The following PTK2 variants were observed in gnomAD, a reference collection of about 807,000 sequenced individuals.
PTK2 encodes protein tyrosine kinase 2, also known as focal adhesion kinase 1.
A neutral mutation model predicts 150.1 loss-of-function variants in PTK2; 45 were observed. The observed-to-expected ratio is 0.30, with a 90% CI of 0.24 to 0.38. The LOEUF (loss-of-function observed/expected upper bound fraction) is 0.38, where lower values mean the gene tolerates loss of function less well. PTK2 is among the 10% of genes least tolerant of loss of function. PTK2 has a pLI of 1.00. For synonymous variants in PTK2, 432 were observed against 449.2 expected (o/e 0.96, Z 0.48); for missense variants, 919 against 1,307.3 (o/e 0.70, Z 4.58).
At chr8:140,740,684 C>A (rs958117387) in intron 20 of PTK2, among the ~76,000 whole-genome samples, 1 of 152,146 alleles carries the variant, frequency 6.6e-6, no homozygotes, top group Non-Finnish European at 1.5e-5. Flanking sequence ...GAATTTAGCT[C>A]TTTATTGGAA....
intron 25 of PTK2, among the ~76,000 whole-genome samples, chr8:140,701,737 G>T (rs1044106785): frequency 6.6e-6 from 1 of 152,132 alleles, no homozygotes; most frequent in African/African-American, 2.4e-5. Context: ...ATGGACTAAA[G>T]ATTTTAGTAT....
At chr8:140,686,934 T>G (rs1345030304) in intron 26 of PTK2, 1 of 496,628 alleles carries the variant, frequency 2.0e-6, no homozygotes, top group Non-Finnish European at 3.6e-6. Flanking sequence ...GCCCACCCAG[T>G]GCTGGAGAAC....
At chr8:140,960,359 A>C (rs1458815541) in intron 1 of PTK2, among the ~76,000 whole-genome samples, 1 of 151,836 alleles carries the variant, frequency 6.6e-6, no homozygotes, top group African/African-American at 2.4e-5. Flanking sequence ...ACAGGCATGC[A>C]CCACCACATC....
intron 3 of PTK2, among the ~76,000 whole-genome samples, chr8:140,880,032 G>C (rs2100148300): frequency 6.6e-6 from 1 of 152,056 alleles, no homozygotes. Context: ...CCCAAGGAGG[G>C]GTTATACTTT....
At chr8:140,693,836 A>T (rs181939260) in intron 26 of PTK2, among the ~76,000 whole-genome samples, 1 of 152,110 alleles carries the variant, frequency 6.6e-6, no homozygotes, top group African/African-American at 2.4e-5. Flanking sequence ...GTCAAAACAG[A>T]TGTCTTCTGA....
In PTK2 at chr8:140,902,184, C is replaced by T. The variant is rs899572795; in HGVS notation, c.-32-11415G>A. On this transcript the variant is annotated intron_variant, in intron 2 of 31. Transcript: ENST00000522684. ...GGGTAGCTGGGATTACAGGCGCACGCCACCACGCCCAGCTAATTTTTGTAT... is the reference window on the plus strand; with the variant it reads ...GGGTAGCTGGGATTACAGGCGCACGTCACCACGCCCAGCTAATTTTTGTAT... 5.9e-5 allele frequency among the ~76,000 whole-genome samples: 9 copies of T among 152,150 alleles called. No homozygotes were observed. The South Asian group carries it at 8.3e-4, about 14-fold the overall frequency.
exon 15 of PTK2, chr8:140,764,286 T>C (rs1168598262): frequency 1.9e-6 from 3 of 1,608,570 alleles, no homozygotes; most frequent in Non-Finnish European, 8.5e-7. Context: ...CATAATCATC[T>C]GTTTCTGCAG....
intron 23 of PTK2, among the ~76,000 whole-genome samples, chr8:140,717,123 C>G (rs929830830): frequency 6.6e-6 from 1 of 152,162 alleles, no homozygotes; most frequent in South Asian, 2.1e-4. Flanking sequence ...AACAAACAAC[C>G]CAGCCACCAG....
intron 4 of PTK2, among the ~76,000 whole-genome samples, chr8:140,877,586 T>G (rs1320428190): frequency 1.3e-5 from 2 of 152,132 alleles, no homozygotes; most frequent in Non-Finnish European, 2.9e-5. Flanking sequence ...TTAAGTTATC[T>G]GGTGTAAGCA....
At chr8:140,715,906 A>C (rs529337201) in intron 23 of PTK2, among the ~76,000 whole-genome samples, 1 of 152,346 alleles carries the variant, frequency 6.6e-6, no homozygotes, top group South Asian at 2.1e-4. Context: ...AAAATTAGTC[A>C]TATTAAACTC....
At chr8:140,966,854 AACT>A (rs2100185496) in intron 1 of PTK2, among the ~76,000 whole-genome samples, 1 of 152,174 alleles carries the variant, frequency 6.6e-6, no homozygotes, top group African/African-American at 2.4e-5. Context: ...TTAACCTACA[AACT>A]AAAATTTTCC....
intron 15 of PTK2, 34 bp downstream of exon 17, chr8:140,764,200 G>T: frequency 6.4e-7 from 1 of 1,562,764 alleles, no homozygotes; most frequent in Non-Finnish European, 8.8e-7. Flanking sequence ...CATCTGTCAA[G>T]TCTGAGCAAG....
chr8:140,826,944 A>G (rs768675787), intron 8 of PTK2, among the ~76,000 whole-genome samples: 4 of 151,992 alleles, frequency 2.6e-5, no homozygotes, highest in Non-Finnish European at 5.9e-5. Context: ...AAGTTTTCTC[A>G]AGTCCCTCTA....
intron 7 of PTK2, among the ~76,000 whole-genome samples, chr8:140,839,722 C>T (rs978796954): frequency 2.0e-5 from 3 of 151,906 alleles, no homozygotes; most frequent in South Asian, 2.1e-4. Context: ...ATAGAAAACA[C>T]GAAAAATGTA....
At chr8:140,855,486 T>G (rs893662351) in intron 5 of PTK2, among the ~76,000 whole-genome samples, 1 of 151,990 alleles carries the variant, frequency 6.6e-6, no homozygotes, top group African/African-American at 2.4e-5. Context: ...TCCCAGCTAC[T>G]CAGGAGGCTG....
intron 2 of PTK2, among the ~76,000 whole-genome samples, chr8:140,900,374 TAAC>T (rs2100157949): frequency 6.6e-6 from 1 of 152,206 alleles, no homozygotes; most frequent in Non-Finnish European, 1.5e-5. Flanking sequence ...GGAGTCAATT[TAAC>T]CAAAGAAGTA....
chr8:140,658,862 C>T (rs760678552), exon 32 of PTK2: 5 of 225,730 alleles, frequency 2.2e-5, no homozygotes, highest in African/African-American at 2.2e-5. Flanking sequence ...CATATCCACA[C>T]GAAAGTAAAA....
intron 26 of PTK2, among the ~76,000 whole-genome samples, chr8:140,693,906 A>C (rs998854406): frequency 1.3e-5 from 2 of 152,180 alleles, no homozygotes; most frequent in African/African-American, 2.4e-5. Context: ...CAAGAACAGA[A>C]CTTATCTAAT....
intron 1 of PTK2, among the ~76,000 whole-genome samples, chr8:140,985,988 A>C (rs2100193105): frequency 6.6e-6 from 1 of 152,218 alleles, no homozygotes; most frequent in African/African-American, 2.4e-5. Flanking sequence ...AAAAAATTCA[A>C]ACTTTAAACA....
Sources: gnomAD v4.1 joint callset for allele counts (sites outside exome capture counted in the v4.1 genomes callset) on GRCh38, gnomAD v4.1.1 for gene constraint, MANE v1.5 for transcripts, NCBI Gene and HGNC (gene_info 2026-07-23, HGNC 2026-07-21) for gene names.